The following ADGRL3 variants were observed in gnomAD, a reference collection of about 807,000 sequenced individuals.
The protein encoded by ADGRL3 is adhesion G protein-coupled receptor L3, also known as calcium-independent alpha-latrotoxin receptor 3.
Under a neutral mutation model 153.5 loss-of-function variants are expected in ADGRL3, and 62 were observed. The observed-to-expected ratio is 0.40, with a 90% CI of 0.33 to 0.50. The LOEUF is 0.50. ADGRL3 is among the 20% of genes least tolerant of loss of function. The pLI, the probability that ADGRL3 is intolerant of heterozygous loss-of-function variation, is 0.47. For synonymous variants in ADGRL3, 710 were observed against 672.5 expected (o/e 1.06, Z -0.86); for missense variants, 1,641 against 1,859.4 (o/e 0.88, Z 2.16).
chr4:61,841,028 A>T (rs13146069), intron 9 of ADGRL3, among the ~76,000 whole-genome samples: 57,857 of 151,578 alleles, frequency 0.38, 14,251 homozygotes, highest in East Asian at 0.75. Flanking sequence ...GGTGTACTTA[A>T]CATTGTGAAC....
At chr4:61,545,168 G>T (rs572359806) in intron 4 of ADGRL3, among the ~76,000 whole-genome samples, 2 of 152,282 alleles carry the variant, frequency 1.3e-5, no homozygotes, top group Non-Finnish European at 2.9e-5. Flanking sequence ...TTAAACGGAA[G>T]TCAGCATATC....
chr4:61,283,573 A>G (rs2093809607), intron 1 of ADGRL3, among the ~76,000 whole-genome samples: 1 of 151,982 alleles, frequency 6.6e-6, no homozygotes, highest in Non-Finnish European at 1.5e-5. Flanking sequence ...AATGAGAGAC[A>G]CCACTCTCCT....
intron 2 of ADGRL3, among the ~76,000 whole-genome samples, chr4:61,473,113 G>C (rs1476280858): frequency 6.6e-6 from 1 of 152,088 alleles, no homozygotes; most frequent in Non-Finnish European, 1.5e-5. Flanking sequence ...ATAAATGAGA[G>C]ATTGAAGTGT....
intron 5 of ADGRL3, among the ~76,000 whole-genome samples, chr4:61,624,227 A>G (rs2092699704): frequency 6.6e-6 from 1 of 152,220 alleles, no homozygotes; most frequent in South Asian, 2.1e-4. Context: ...TGCATTTTGA[A>G]GAGATATGGC....
intron 4 of ADGRL3, among the ~76,000 whole-genome samples, chr4:61,559,158 G>A (rs2098783305): frequency 6.6e-6 from 1 of 152,054 alleles, no homozygotes; most frequent in East Asian, 1.9e-4. Flanking sequence ...ATTTAATACT[G>A]TGTTTAGCCC....
In ADGRL3 at chr4:61,544,345, A is replaced by T. The variant is rs536854844; in HGVS notation, c.259+26827A>T. ...TACTAAAGAGAATGAACTTTTCTTC[A>T]GTACCAATTAGCTATTTGGACAACA... On this transcript the variant is annotated intron_variant, in intron 4 of 26. Transcript: ENST00000683033. Among the ~76,000 whole-genome samples the T allele has an allele frequency of 6.6e-5, 10 of 152,332 alleles. No individual in the cohort carries two copies. The South Asian group carries it at 2.1e-3, about 32-fold the overall frequency.
intron 19 of ADGRL3, among the ~76,000 whole-genome samples, chr4:61,993,268 T>C (rs2099109896): frequency 6.8e-6 from 1 of 147,136 alleles, no homozygotes; most frequent in Non-Finnish European, 1.5e-5. Flanking sequence ...TTTTTGTTTC[T>C]GTTTCTTTTT....
In ADGRL3 at chr4:61,975,698, A is replaced by T. The variant is rs114913031; in HGVS notation, c.2806-3865A>T. Among the ~76,000 whole-genome samples, 756 of 152,286 alleles carry T rather than the reference A, an allele frequency of 5.0e-3. 4 individuals carry two copies. The highest frequency in any genetic ancestry group is 0.017 in the African/African-American group (722 of 41,562). The stretch of plus-strand genomic sequence containing the variant: ...TCTTCATAAGAAATCAGATGGCTCC[A>T]ATCAAGTTGGTGCAGTTGAGATGAT... On this transcript the variant is annotated intron_variant, in intron 17 of 26. Transcript: ENST00000683033.
chr4:61,848,677 G>C (rs144231437), intron 9 of ADGRL3, among the ~76,000 whole-genome samples: 3 of 152,068 alleles, frequency 2.0e-5, no homozygotes, highest in Admixed American at 6.6e-5. Context: ...AGAGACTATT[G>C]TCTAATTCTG....
chr4:61,894,871 C>T (rs1036386359), intron 10 of ADGRL3, among the ~76,000 whole-genome samples: 1 of 152,142 alleles, frequency 6.6e-6, no homozygotes, highest in Non-Finnish European at 1.5e-5. Context: ...TCTATCTCCT[C>T]TTTTAATATT....
intron 19 of ADGRL3, among the ~76,000 whole-genome samples, chr4:61,989,612 T>C (rs2099097024): frequency 6.6e-6 from 1 of 152,082 alleles, no homozygotes; most frequent in African/African-American, 2.4e-5. Flanking sequence ...TGATTGGACA[T>C]ATACAATTAT....
chr4:62,006,713 A>G (rs1193049472), intron 21 of ADGRL3, among the ~76,000 whole-genome samples: 2 of 151,684 alleles, frequency 1.3e-5, no homozygotes, highest in African/African-American at 4.8e-5. Context: ...TTATATATTT[A>G]CTTTTAAAAC....
intron 8 of ADGRL3, among the ~76,000 whole-genome samples, chr4:61,742,997 T>C (rs2096600878): frequency 6.8e-6 from 1 of 148,138 alleles, no homozygotes; most frequent in African/African-American, 2.6e-5. Context: ...ATTTTAGCCT[T>C]AAATTTTTTT....
intron 6 of ADGRL3, among the ~76,000 whole-genome samples, chr4:61,718,987 A>G (rs2096182424): frequency 6.6e-6 from 1 of 152,336 alleles, no homozygotes; most frequent in South Asian, 2.1e-4. Flanking sequence ...ATGATAAAGA[A>G]TGAGAGGGAA....
At chr4:61,239,914 AG>A (rs1754266745) in intron 1 of ADGRL3, among the ~76,000 whole-genome samples, 1 of 152,126 alleles carries the variant, frequency 6.6e-6, no homozygotes, top group African/African-American at 2.4e-5. Context: ...TGTTTACTTG[AG>A]TGTACATTTA....
chr4:61,986,919 A>C (rs1396935440), intron 19 of ADGRL3, among the ~76,000 whole-genome samples: 1 of 152,130 alleles, frequency 6.6e-6, no homozygotes, highest in Non-Finnish European at 1.5e-5. Flanking sequence ...ACCAGTACTG[A>C]GCCATGGTGT....
rs139802830 is a variant in ADGRL3 at position 61,665,138 on chromosome 4, C to T, written c.474-11688C>T. On this transcript the variant is annotated intron_variant, in intron 5 of 26. Transcript: ENST00000683033. ...CTTTAAATGGCAGAACTGCCGGGCG[C>T]GGTGGCTCCCGCCTGTAATTCCAGC... Among the ~76,000 whole-genome samples, 398 of 152,276 alleles carry T rather than the reference C, an allele frequency of 2.6e-3. 11 individuals are homozygous for T. The highest frequency in any genetic ancestry group is 2.1e-3 in the East Asian group (11 of 5,182).
At chr4:61,647,029 A>C (rs868077683) in intron 5 of ADGRL3, among the ~76,000 whole-genome samples, 1 of 152,010 alleles carries the variant, frequency 6.6e-6, no homozygotes, top group African/African-American at 2.4e-5. Flanking sequence ...GGTGGGAGTC[A>C]CTCGATTTTC....
chr4:61,471,966 CACAAT>C (rs1265977851), intron 2 of ADGRL3, among the ~76,000 whole-genome samples: 8 of 151,864 alleles, frequency 5.3e-5, no homozygotes, highest in Non-Finnish European at 1.0e-4. Context: ...TTATGCACAA[CACAAT>C]ACATTAAATA....
Sources: gnomAD v4.1 joint callset for allele counts (sites outside exome capture counted in the v4.1 genomes callset) on GRCh38, gnomAD v4.1.1 for gene constraint, MANE v1.5 for transcripts, NCBI Gene and HGNC (gene_info 2026-07-23, HGNC 2026-07-21) for gene names.